PAX3: variants seen among roughly 807,000 people sequenced by gnomAD.
The protein encoded by PAX3 is paired box protein Pax-3.
In PAX3, 14 loss-of-function variants were observed where a neutral mutation model predicts 51.6. That is an observed-to-expected ratio of 0.27 (90% CI 0.18 to 0.42). PAX3 has a LOEUF of 0.42. Among genes scored for constraint, PAX3 ranks in the 10% least tolerant of loss-of-function variants. PAX3 has a pLI of 1.00. For missense variants in PAX3, 540 were observed against 642.8 expected (o/e 0.84, Z 1.73); for synonymous variants, 280 against 253.4 (o/e 1.11, Z -1.00).
intron 4 of PAX3, among the ~76,000 whole-genome samples, chr2:222,271,614 T>G (rs528079045): frequency 1.3e-5 from 2 of 152,222 alleles, no homozygotes; most frequent in Non-Finnish European, 2.9e-5. Flanking sequence ...AATAAGGCAA[T>G]GTGCCTTGAT....
At chr2:222,243,061 C>T (rs1835432) in intron 4 of PAX3, among the ~76,000 whole-genome samples, 107,397 of 152,128 alleles carry the variant, frequency 0.71, 39,120 homozygotes, top group East Asian at 0.89. Context: ...GTCACCCTTA[C>T]TAGGACAAAA....
intron 5 of PAX3, among the ~76,000 whole-genome samples, chr2:222,229,669 C>T (rs1184465963): frequency 6.6e-6 from 1 of 152,176 alleles, no homozygotes; most frequent in Non-Finnish European, 1.5e-5. Context: ...CTCAGCCTAC[C>T]TACCAAACCC....
At chr2:222,280,692 AAGG>A (rs1574740703) in intron 4 of PAX3, among the ~76,000 whole-genome samples, 1 of 152,180 alleles carries the variant, frequency 6.6e-6, no homozygotes, top group Non-Finnish European at 1.5e-5. Context: ...TTCCATAGAC[AAGG>A]AGAAGACCCA....
intron 4 of PAX3, among the ~76,000 whole-genome samples, chr2:222,273,771 T>C (rs1210425650): frequency 2.0e-5 from 3 of 152,210 alleles, no homozygotes; most frequent in Non-Finnish European, 4.4e-5. Flanking sequence ...TTTCCTTTTT[T>C]TTTCCTATTG....
At chr2:222,283,983 A>C (rs1386967390) in intron 4 of PAX3, among the ~76,000 whole-genome samples, 1 of 152,232 alleles carries the variant, frequency 6.6e-6, no homozygotes, top group African/African-American at 2.4e-5. Flanking sequence ...ACTGCACCCC[A>C]ATAACACAGG....
intron 1 of PAX3, chr2:222,298,106 CA>C (rs3835977): frequency 0.11 from 18,340 of 162,664 alleles, 933 homozygotes; most frequent in East Asian, 0.3. Flanking sequence ...CTTTGCAGGG[CA>C]AAAAAAAAAA....
intron 3 of PAX3, among the ~76,000 whole-genome samples, chr2:222,295,007 C>A (rs946126715): frequency 6.6e-6 from 1 of 151,966 alleles, no homozygotes; most frequent in African/African-American, 2.4e-5. Flanking sequence ...CAAACCCTCC[C>A]GTGCGCCCTC....
intron 4 of PAX3, among the ~76,000 whole-genome samples, chr2:222,247,372 A>AATAG (rs45537131): frequency 0.12 from 17,609 of 152,184 alleles, 1,245 homozygotes; most frequent in East Asian, 0.32. Flanking sequence ...GAAAATTAGA[A>AATAG]ATAGTTTTTT....
chr2:222,221,644 G>A (rs1692197108), intron 5 of PAX3: 9 of 444,656 alleles, frequency 2.0e-5, no homozygotes, highest in Non-Finnish European at 3.8e-5. Flanking sequence ...AGGACCATGG[G>A]CAGGAATCAC....
At chr2:222,276,232 C>T (rs537075232) in intron 4 of PAX3, among the ~76,000 whole-genome samples, 1 of 152,338 alleles carries the variant, frequency 6.6e-6, no homozygotes, top group African/African-American at 2.4e-5. Context: ...CCTTTCCAGC[C>T]TCTTCTGGAA....
intron 4 of PAX3, among the ~76,000 whole-genome samples, chr2:222,284,224 A>T (rs1436954599): frequency 6.6e-6 from 1 of 152,210 alleles, no homozygotes; most frequent in Non-Finnish European, 1.5e-5. Flanking sequence ...TGAAGAGGGG[A>T]TATAATGAGA....
At chr2:222,251,061 G>A (rs116260469) in intron 4 of PAX3, among the ~76,000 whole-genome samples, 2,716 of 152,116 alleles carry the variant, frequency 0.018, 30 homozygotes, top group Middle Eastern at 0.092. Context: ...AGGTGAAGGG[G>A]GAACACTGTC....
At chr2:222,236,086 TG>T (rs1692788506) in intron 4 of PAX3, among the ~76,000 whole-genome samples, 1 of 152,222 alleles carries the variant, frequency 6.6e-6, no homozygotes, top group Admixed American at 6.5e-5. Flanking sequence ...CAAAGGGATG[TG>T]GGCTTTAAAA....
At chr2:222,240,140 G>C (rs1171114899) in intron 4 of PAX3, among the ~76,000 whole-genome samples, 1 of 152,160 alleles carries the variant, frequency 6.6e-6, no homozygotes. Flanking sequence ...GCTGCCCTGG[G>C]AGGAGAGTAC....
chr2:222,234,033 C>T (rs1241824651), intron 4 of PAX3, among the ~76,000 whole-genome samples: 1 of 152,126 alleles, frequency 6.6e-6, no homozygotes, highest in Non-Finnish European at 1.5e-5. Flanking sequence ...CATTCTATTT[C>T]AGTAGAAATT....
At chr2:222,274,451 G>A (rs192568772) in intron 4 of PAX3, among the ~76,000 whole-genome samples, 5 of 149,352 alleles carry the variant, frequency 3.3e-5, no homozygotes, top group East Asian at 2.0e-4. Flanking sequence ...ATGTCTCAAC[G>A]CTGTAGAGTT....
intron 4 of PAX3, 36 bp from the exon 5 acceptor site, chr2:222,232,319 G>T (rs935625959): frequency 6.3e-7 from 1 of 1,579,198 alleles, no homozygotes. Flanking sequence ...CATAAAATGT[G>T]AATCAAAAAA....
chr2:222,290,693 T>C (rs1054092645), intron 4 of PAX3, among the ~76,000 whole-genome samples: 1 of 152,210 alleles, frequency 6.6e-6, no homozygotes, highest in Admixed American at 6.5e-5. Flanking sequence ...AGTCCTCAAC[T>C]GTCCTCTAAT....
At chr2:222,291,352 G>A (rs1047994861) in intron 4 of PAX3, among the ~76,000 whole-genome samples, 5 of 152,238 alleles carry the variant, frequency 3.3e-5, no homozygotes. Flanking sequence ...TATGGAGCTG[G>A]AGGGATGTAT....
Sources: gnomAD v4.1 joint callset for allele counts (sites outside exome capture counted in the v4.1 genomes callset) on GRCh38, gnomAD v4.1.1 for gene constraint, MANE v1.5 for transcripts, NCBI Gene and HGNC (gene_info 2026-07-23, HGNC 2026-07-21) for gene names.